Variants in LIPN observed in about 807,000 individuals in gnomAD.
The protein encoded by LIPN is lipase family member N.
LIPN carries 32 observed loss-of-function variants against 43.7 expected under a neutral mutation model. That is an observed-to-expected ratio of 0.73 (90% CI 0.55 to 0.98). The LOEUF (loss-of-function observed/expected upper bound fraction) is 0.98, where lower values mean the gene tolerates loss of function less well. Ranked by LOEUF, LIPN falls within the 50% of genes least tolerant of loss-of-function variation. The probability of loss-of-function intolerance (pLI) is 0.00; values close to 1 mark genes in which losing one functional copy is unlikely to be tolerated. For synonymous variants in LIPN, 156 were observed against 157.6 expected, an observed-to-expected ratio of 0.99 and a Z score of 0.08; for missense variants, 505 against 483.8, an observed-to-expected ratio of 1.04 and a Z score of -0.41.
intron 4 of LIPN, 81 bp downstream of exon 4, chr10:88,764,689 T>G (rs1843063191): frequency 5.8e-6 from 6 of 1,025,654 alleles, no homozygotes; most frequent in Non-Finnish European, 7.0e-6. Context: ...AATGATTATC[T>G]TTGACGCTTG....
chr10:88,779,513 T>C lies in LIPN; in HGVS notation c.*1271T>C. ...GGAGAAAATGAAACTGGTAGAACTA[T>C]GTGATTGCAAATATATACAAATATT... On this transcript the variant is annotated 3_prime_UTR_variant, in exon 10 of 10. Transcript: ENST00000404459. 6.6e-6 allele frequency among the ~76,000 whole-genome samples: 1 copy of C among 152,206 alleles called. No individual in the cohort carries two copies. The highest frequency in any genetic ancestry group is 1.5e-5 in the Non-Finnish European group (1 of 68,028).
At chr10:88,776,720 G>T (rs1163623810) in intron 9 of LIPN, among the ~76,000 whole-genome samples, 1 of 152,056 alleles carries the variant, frequency 6.6e-6, no homozygotes, top group African/African-American at 2.4e-5. Context: ...TTCTCATCTG[G>T]AAGAGTACAT....
At chr10:88,760,711 A>G (rs780174676) in intron 1 of LIPN, among the ~76,000 whole-genome samples, 3 of 152,138 alleles carry the variant, frequency 2.0e-5, no homozygotes, top group Non-Finnish European at 2.9e-5. Flanking sequence ...AGACAAAGCT[A>G]CTAAAACACT....
chr10:88,774,966 G>A, intron 8 of LIPN, 126 bp from the exon 9 acceptor site: 1 of 630,686 alleles, frequency 1.6e-6, no homozygotes, highest in South Asian at 2.0e-5. Flanking sequence ...AAAATGGGTG[G>A]TTACATCCTT....
At chr10:88,772,883 G>C (rs1015718850) in intron 7 of LIPN, among the ~76,000 whole-genome samples, 1 of 147,598 alleles carries the variant, frequency 6.8e-6, no homozygotes, top group Non-Finnish European at 1.5e-5. Flanking sequence ...AAAAAAACAA[G>C]AAATAATCCC....
intron 4 of LIPN, among the ~76,000 whole-genome samples, chr10:88,764,911 A>C (rs995425065): frequency 6.6e-6 from 1 of 151,994 alleles, no homozygotes; most frequent in Admixed American, 6.6e-5. Flanking sequence ...CATTCAGCCA[A>C]TGTTTACTGA....
At chr10:88,761,153 C>T (rs1842989243) in intron 1 of LIPN, among the ~76,000 whole-genome samples, 1 of 151,942 alleles carries the variant, frequency 6.6e-6, no homozygotes, top group African/African-American at 2.4e-5. Context: ...ACCAAAAATG[C>T]CTCCATACTT....
rs867085490 is a variant in LIPN at position 88,768,944 on chromosome 10, C to A, written c.672+16C>A. On this transcript the variant is annotated intron_variant, in intron 6 of 9. Transcript: ENST00000404459. ...CATAATCAAGGTAGGCTCCTTTCAA[C>A]AAAATGTACCTGAGGATCTCATTTT... 1.9e-6 allele frequency: 3 copies of A among 1,606,898 alleles called. No homozygotes were observed. The highest frequency in any genetic ancestry group is 2.6e-6 in the Non-Finnish European group (3 of 1,174,938).
intron 9 of LIPN, among the ~76,000 whole-genome samples, chr10:88,776,716 T>A (rs1843301984): frequency 6.6e-6 from 1 of 152,134 alleles, no homozygotes; most frequent in South Asian, 2.1e-4. Context: ...TGTTTTCTCA[T>A]CTGGAAGAGT....
intron 3 of LIPN, 78 bp downstream of exon 3, chr10:88,762,383 A>G: frequency 4.8e-6 from 4 of 835,296 alleles, no homozygotes; most frequent in Non-Finnish European, 8.0e-6. Context: ...CTAGATATGC[A>G]TCAACAGAGT....
intron 2 of LIPN, 58 bp downstream of exon 2, chr10:88,761,571 G>T: frequency 2.6e-6 from 3 of 1,133,398 alleles, no homozygotes; most frequent in East Asian, 4.7e-5. Context: ...GGAGTATGAG[G>T]TTACGAAAGG....
rs1264870754 is a variant in LIPN, at chr10:88,779,353, T to G, written c.*1111T>G. 6.6e-6 allele frequency among the ~76,000 whole-genome samples: 1 copy of G among 152,206 alleles called. No homozygotes were observed. The highest frequency in any genetic ancestry group is 1.5e-5 in the Non-Finnish European group (1 of 68,046). On this transcript the variant is annotated 3_prime_UTR_variant, in exon 10 of 10. Coordinates refer to ENST00000404459, the MANE Select transcript of LIPN (RefSeq NM_001102469.2). ...CTCTGCTGGCAAATCCACAAGCTGCTGGCCCCTGGAGCCATTCTTCTCTCA... is the reference window on the plus strand; with the variant it reads ...CTCTGCTGGCAAATCCACAAGCTGCGGGCCCCTGGAGCCATTCTTCTCTCA...
At chr10:88,764,043 A>T (rs993602529) in intron 3 of LIPN, among the ~76,000 whole-genome samples, 1 of 152,046 alleles carries the variant, frequency 6.6e-6, no homozygotes, top group Non-Finnish European at 1.5e-5. Context: ...TGGCCTTCTT[A>T]TCTGGGTGGC....
intron 7 of LIPN, 103 bp downstream of exon 7, chr10:88,771,094 C>A (rs1333169465): frequency 3.0e-6 from 3 of 1,010,124 alleles, no homozygotes; most frequent in Non-Finnish European, 4.2e-6. Context: ...ATATGGTATT[C>A]CAAACCCTTA....
Position 88,762,312 on chromosome 10 carries a change from G to A in LIPN, c.226+7G>A. 1 of 1,545,920 alleles carries A rather than the reference G, an allele frequency of 6.5e-7. No individual in the cohort carries two copies. Among genetic ancestry groups the A allele is most frequent in the Non-Finnish European group, 8.9e-7 (1 of 1,124,756 alleles). On this transcript the variant is annotated splice_region_variant and intron_variant, in intron 3 of 9. Transcript: ENST00000404459. ...ACACATGCTAGGAGCACAGGTACAA[G>A]ATATGTCTCTCCTGAAAAGGGGACT...
intron 5 of LIPN, among the ~76,000 whole-genome samples, chr10:88,768,332 T>C (rs146709635): frequency 6.6e-6 from 1 of 151,890 alleles, no homozygotes; most frequent in African/African-American, 2.4e-5. Flanking sequence ...TTTCATTCCA[T>C]AGTGAGAAAG....
intron 2 of LIPN, among the ~76,000 whole-genome samples, chr10:88,761,970 T>C (rs534705468): frequency 5.3e-5 from 8 of 152,226 alleles, no homozygotes; most frequent in African/African-American, 1.4e-4. Flanking sequence ...GGGTCAATGC[T>C]AAATTTTCCC....
In LIPN at chr10:88,779,247, T is replaced by C. The variant is rs999660633; in HGVS notation, c.*1005T>C. On this transcript the variant is annotated 3_prime_UTR_variant, in exon 10 of 10. Coordinates refer to ENST00000404459, the MANE Select transcript of LIPN (RefSeq NM_001102469.2). ...GCAAGACTGTAAATCTGATCAAGTG[T>C]TCTGATGCAGGCTGATATCCTTCTG... is the stretch of plus-strand genomic sequence containing the variant. Among the ~76,000 whole-genome samples the C allele has an allele frequency of 1.3e-5, 2 of 152,204 alleles. No homozygotes were observed. Among genetic ancestry groups the C allele is most frequent in the African/African-American group, 4.8e-5 (2 of 41,458 alleles).
intron 7 of LIPN, among the ~76,000 whole-genome samples, chr10:88,772,363 G>T (rs1843224006): frequency 6.6e-6 from 1 of 151,674 alleles, no homozygotes; most frequent in African/African-American, 2.4e-5. Context: ...TGTAATGTTT[G>T]TTTTTTAGTA....
Sources: allele counts gnomAD v4.1 joint callset (sites outside exome capture counted in the v4.1 genomes callset), GRCh38; gene constraint gnomAD v4.1.1; transcripts MANE v1.5; gene names NCBI Gene and HGNC (gene_info 2026-07-23, HGNC 2026-07-21).